The following ANKRD12 variants were observed in gnomAD, a reference collection of about 807,000 sequenced individuals.
ANKRD12 encodes the protein ankyrin repeat domain-containing protein 12.
Under a neutral mutation model 183.4 loss-of-function variants are expected in ANKRD12, and 85 were observed. The ratio of observed to expected loss-of-function variants is 0.46; its 90% CI spans 0.39 to 0.56. The LOEUF is 0.56. Ranked by LOEUF, ANKRD12 falls within the 20% of genes least tolerant of loss-of-function variation. The pLI is 0.00. For synonymous variants in ANKRD12, 914 were observed against 800.2 expected, an observed-to-expected ratio of 1.14 and a Z score of -2.40; for missense variants, 2,405 against 2,357.1, an observed-to-expected ratio of 1.02 and a Z score of -0.42.
At chr18:9,222,654 T>C (rs1240395103) in intron 8 of ANKRD12, among the ~76,000 whole-genome samples, 1 of 152,174 alleles carries the variant, frequency 6.6e-6, no homozygotes, top group Non-Finnish European at 1.5e-5. Context: ...TATAAGCAAT[T>C]AGGTAATGCT....
intron 2 of ANKRD12, among the ~76,000 whole-genome samples, chr18:9,186,812 C>T (rs554645276): frequency 2.8e-5 from 4 of 142,324 alleles, no homozygotes; most frequent in South Asian, 4.4e-4. Flanking sequence ...AGTGGAGTGG[C>T]GCGATCTCAG....
In ANKRD12 at chr18:9,271,873, C is replaced by T. The variant is rs188388913; in HGVS notation, c.5764-3651C>T. ...ATAATTTTTTCCAATCCAAGTTCAC[C>T]GACTACCCTACCCCTATTCTATCTT... is the stretch of plus-strand genomic sequence containing the variant. On this transcript the variant is annotated intron_variant, in intron 10 of 12. Transcript: ENST00000262126. Among the ~76,000 whole-genome samples, 176 of 152,234 alleles carry T rather than the reference C, an allele frequency of 1.2e-3. 1 individual carries two copies. The highest frequency in any genetic ancestry group is 4.1e-3 in the African/African-American group (169 of 41,536).
At chr18:9,197,519 T>C (rs1598524658) in intron 3 of ANKRD12, among the ~76,000 whole-genome samples, 1 of 152,162 alleles carries the variant, frequency 6.6e-6, no homozygotes, top group Admixed American at 6.5e-5. Context: ...TAACTACTAA[T>C]AGCCTGCTTT....
rs775877875 is a variant in ANKRD12 at position 9,256,828 on chromosome 18, C to T, written c.3561C>T (p.Asn1187=). ...KSSFVSDNSL[N]RSPRSENEKP... is the part of the protein sequence containing the mutation. ...CTTTTGTTTCAGATAATAGCTTAAA[C>T]AGGTCTCCTAGATCAGAAAATGAAA... The change falls in exon 9 of 13, where the codon AAC becomes AAT. Residue 1187 remains asparagine, a synonymous_variant. Coordinates refer to ENST00000262126, the MANE Select transcript of ANKRD12 (RefSeq NM_015208.5). 1.9e-6 allele frequency: 3 copies of T among 1,613,928 alleles called. No homozygotes were observed. The highest frequency in any genetic ancestry group is 2.5e-6 in the Non-Finnish European group (3 of 1,179,922).
Position 9,255,220 on chromosome 18 carries a change from A to C in ANKRD12, c.1953A>C (p.Lys651Asn). The C allele has an allele frequency of 6.3e-7, 1 of 1,574,930 alleles. No individual in the cohort carries two copies. The highest frequency in any genetic ancestry group is 8.6e-7 in the Non-Finnish European group (1 of 1,169,000). Residue 651 changes from lysine (K) to asparagine (N), a missense_variant, in exon 9 of 13, where the codon AAA (lysine) becomes AAC (asparagine). Lys to Asn is a moderately conservative substitution (Grantham distance 94, BLOSUM62 0). Coordinates refer to ENST00000262126, the MANE Select transcript of ANKRD12 (RefSeq NM_015208.5). ...KKMDKEGKTLKKHKLKHKERE... is the reference protein window; with the variant it reads ...KKMDKEGKTLNKHKLKHKERE... ...TGGATAAAGAAGGTAAAACATTAAA[A>C]AAACATAAATTGAAGCATAAAGAGA...
intron 10 of ANKRD12, among the ~76,000 whole-genome samples, chr18:9,272,474 A>C (rs1214311015): frequency 6.6e-6 from 1 of 152,084 alleles, no homozygotes; most frequent in Non-Finnish European, 1.5e-5. Flanking sequence ...AGGCAGGAGA[A>C]TCACTTGAAC....
At chr18:9,165,443 C>G (rs535570345) in intron 1 of ANKRD12, among the ~76,000 whole-genome samples, 5 of 152,272 alleles carry the variant, frequency 3.3e-5, no homozygotes, top group South Asian at 4.1e-4. Context: ...ACCATCACCA[C>G]TGTTCTTCAT....
intron 9 of ANKRD12, chr18:9,260,212 C>G (rs367825547): frequency 6.6e-6 from 1 of 152,088 alleles, no homozygotes; most frequent in Non-Finnish European, 1.5e-5. Flanking sequence ...AGTAATCTTC[C>G]CTCACATTTA....
chr18:9,208,983 C>G (rs2035632413), intron 5 of ANKRD12, among the ~76,000 whole-genome samples, 180 bp downstream of exon 5: 1 of 152,098 alleles, frequency 6.6e-6, no homozygotes. Context: ...CATCTGTATC[C>G]TCTGCTAAAG....
At position 9,285,667 on chromosome 18, in the gene ANKRD12, C is replaced by T. The variant is rs189925836; in HGVS notation, c.*4541C>T. On this transcript the variant is annotated 3_prime_UTR_variant, in exon 13 of 13. Transcript: ENST00000262126. The stretch of plus-strand genomic sequence containing the variant: ...AAATTAAGATATTGTAAAACATTTT[C>T]ATTACTCTAGAAAGTTCACTCATGC... 6.6e-6 allele frequency: 1 copy of T among 152,114 alleles called. No homozygotes were observed. Among genetic ancestry groups the T allele is most frequent in the African/African-American group, 2.4e-5 (1 of 41,442 alleles). The allele number at this position is 152,114 out of a possible 1,614,324, so 9.4% of individuals were successfully genotyped here. A position where few individuals can be genotyped will look rare whatever the true frequency, so the allele number is the denominator to read the frequency against.
rs780779667 is a variant in ANKRD12 at position 9,211,614 on chromosome 18, C to A, written c.482C>A (p.Thr161Lys). The A allele has an allele frequency of 6.8e-6, 11 of 1,613,696 alleles. No individual in the cohort carries two copies. The highest frequency in any genetic ancestry group is 9.3e-6 in the Non-Finnish European group (11 of 1,179,862). ...ACACCAAATCATCCATCACAAACAA[C>A]GCCTGCCCAAAAGAAAACTCCCAGT... is the stretch of plus-strand genomic sequence containing the variant. ...DSTPNHPSQT[T>K]PAQKKTPSSS... is the part of the protein sequence containing the mutation. The change falls in exon 6 of 13, where the codon ACG (threonine) becomes AAG (lysine). Residue 161 changes from threonine (T) to lysine (K), a missense_variant. Physicochemically the swap from Thr to Lys is moderately conservative, Grantham distance 78 (BLOSUM62 -1). Coordinates refer to ENST00000262126, the MANE Select transcript of ANKRD12 (RefSeq NM_015208.5).
intron 1 of ANKRD12, among the ~76,000 whole-genome samples, chr18:9,181,781 T>A (rs2033717308): frequency 6.6e-6 from 1 of 152,190 alleles, no homozygotes; most frequent in Non-Finnish European, 1.5e-5. Flanking sequence ...ATGTTTGACC[T>A]ATTATGCTTG....
Position 9,255,715 on chromosome 18 carries a change from G to T in ANKRD12, c.2448G>T (p.Lys816Asn), listed in dbSNP as rs1416732741. Residue 816 changes from lysine to asparagine, a missense_variant, in exon 9 of 13, where the codon AAG becomes AAT. By Grantham distance (94) the Lys-to-Asn change is moderately conservative. This residue lies in a region of ANKRD12 where 1,983 missense variants were observed against 1,725.9 expected (regional missense o/e 1.15). Coordinates refer to ENST00000262126, the MANE Select transcript of ANKRD12 (RefSeq NM_015208.5). ...TTGAAAAACAAGAAAAGCATATAAAGGAAAGTAAAGAAAAACCTGAGAAGC... is the reference window on the plus strand; with the variant it reads ...TTGAAAAACAAGAAAAGCATATAAATGAAAGTAAAGAAAAACCTGAGAAGC... ...IDIEKQEKHI[K>N]ESKEKPEKRS... 5.6e-6 allele frequency: 9 copies of T among 1,595,980 alleles called. No individual in the cohort carries two copies. The highest frequency in any genetic ancestry group is 1.7e-4 in the Middle Eastern group (1 of 5,964).
chr18:9,185,895 TGTG>T (rs1385393401), intron 2 of ANKRD12, among the ~76,000 whole-genome samples: 4 of 152,190 alleles, frequency 2.6e-5, no homozygotes, highest in African/African-American at 7.2e-5. Flanking sequence ...TGCGTGGAGA[TGTG>T]GGGACAGAAT....
At chr18:9,137,418 G>T (rs1201064939) in intron 1 of ANKRD12, 2 of 146,414 alleles carry the variant, frequency 1.4e-5, no homozygotes, top group Admixed American at 6.8e-5. Context: ...CCGGAGGAGC[G>T]TGTGCGTGCG....
chr18:9,183,059 A>G lies in ANKRD12; in HGVS notation c.87+540A>G, dbSNP rs181028894. 1.1e-3 allele frequency among the ~76,000 whole-genome samples: 171 copies of G among 152,244 alleles called. 2 individuals are homozygous for G. The highest frequency in any genetic ancestry group is 3.9e-3 in the African/African-American group (163 of 41,538). On this transcript the variant is annotated intron_variant, in intron 2 of 12. Coordinates refer to ENST00000262126, the MANE Select transcript of ANKRD12 (RefSeq NM_015208.5). ...CTAACGGAGTTGCGCAACCATCATC[A>G]CAATAAGGTTTTAGAACATTGCCAT...
intron 8 of ANKRD12, among the ~76,000 whole-genome samples, chr18:9,240,784 A>G (rs1171313359): frequency 6.6e-6 from 1 of 152,198 alleles, no homozygotes; most frequent in Non-Finnish European, 1.5e-5. Flanking sequence ...CTGAAGACAG[A>G]TTAGGAGACT....
At position 9,254,141 on chromosome 18, in the gene ANKRD12, A is replaced by G. The variant is rs576502053; in HGVS notation, c.944-70A>G. Reference sequence around the variant, plus strand: ...TGTATAAGCTATATCTTTTTCTCAGAAAAAAAAATTATTTTTCTGGCAGTT... The same window carrying G: ...TGTATAAGCTATATCTTTTTCTCAGGAAAAAAAATTATTTTTCTGGCAGTT... On this transcript the variant is annotated intron_variant, in intron 8 of 12. Transcript: ENST00000262126. 2.9e-5 allele frequency: 41 copies of G among 1,409,328 alleles called. 1 individual carries two copies. The highest frequency in any genetic ancestry group is 1.9e-4 in the South Asian group (11 of 57,144). 87.3% of individuals were successfully genotyped at this position (1,409,328 alleles called of 1,614,324 possible).
chr18:9,157,213 T>A (rs1345722333), intron 1 of ANKRD12, among the ~76,000 whole-genome samples: 1 of 152,134 alleles, frequency 6.6e-6, no homozygotes, highest in East Asian at 1.9e-4. Flanking sequence ...TAGCTTAGAC[T>A]AGCCTCTGTA....
Sources: allele counts gnomAD v4.1 joint callset (sites outside exome capture counted in the v4.1 genomes callset), GRCh38; gene constraint gnomAD v4.1.1; regional missense constraint gnomAD v4.1.1; transcripts MANE v1.5; gene names NCBI Gene and HGNC (gene_info 2026-07-23, HGNC 2026-07-21).